Variants in DUSP12 observed in about 807,000 individuals in gnomAD.
DUSP12 encodes the protein dual specificity protein phosphatase 12.
In DUSP12, 25 loss-of-function variants were observed where a neutral mutation model predicts 38.9. The observed-to-expected ratio is 0.64, with a 90% CI of 0.47 to 0.90. DUSP12 has a LOEUF of 0.90. Ranked by LOEUF, DUSP12 falls within the 40% of genes least tolerant of loss-of-function variation. DUSP12 has a pLI of 0.00. For synonymous variants in DUSP12, 153 were observed against 153.9 expected (o/e 0.99, Z 0.05); for missense variants, 403 against 427.0 (o/e 0.94, Z 0.50).
Position 161,754,444 on chromosome 1 carries a change from C to T in DUSP12, c.861+1183C>T, listed in dbSNP as rs984859891. On this transcript the variant is annotated intron_variant, in intron 5 of 5. Transcript: ENST00000367943. Reference sequence around the variant, plus strand: ...GTGTATTCACAGTGGTTTTTGCAACCATCGTGTATTAGTCTATTTTCACAC... The same window carrying T: ...GTGTATTCACAGTGGTTTTTGCAACTATCGTGTATTAGTCTATTTTCACAC... 5.9e-5 allele frequency among the ~76,000 whole-genome samples: 9 copies of T among 152,176 alleles called. No individual in the cohort carries two copies. In the South Asian group the frequency reaches 1.7e-3, roughly 28 times the overall value.
At chr1:161,755,689 CT>C (rs1684096960) in intron 5 of DUSP12, among the ~76,000 whole-genome samples, 1 of 152,090 alleles carries the variant, frequency 6.6e-6, no homozygotes, top group Non-Finnish European at 1.5e-5. Context: ...GGTTTTGTCT[CT>C]TTCTTACTCA....
At chr1:161,750,296 G>A in intron 1 of DUSP12, 151 bp downstream of exon 1, 1 of 834,822 alleles carries the variant, frequency 1.2e-6, no homozygotes, top group Middle Eastern at 3.5e-4. Flanking sequence ...GTGTTTCCAA[G>A]AGAGGAGGAG....
chr1:161,750,407 T>C (rs901796392), intron 1 of DUSP12, among the ~76,000 whole-genome samples: 1 of 152,202 alleles, frequency 6.6e-6, no homozygotes, highest in African/African-American at 2.4e-5. Context: ...ATCTGATAAA[T>C]GACAAATTAC....
intron 1 of DUSP12, 36 bp from the exon 2 acceptor site, chr1:161,751,632 C>A: frequency 6.4e-7 from 1 of 1,562,748 alleles, no homozygotes; most frequent in South Asian, 1.2e-5. Context: ...TTAATTGTTG[C>A]TATTTGCTGT....
At position 161,756,896 on chromosome 1, in the gene DUSP12, G is replaced by A. The variant is rs148743639; in HGVS notation, c.972G>A (p.Val324=). The change falls in exon 6 of 6, where the codon GTG becomes GTA. Residue 324 remains valine (V), a synonymous_variant. Transcript: ENST00000367943. ...TPAFQIHKNR[V]DEMKILPVLG... ...CTTTTCAAATACATAAGAATAGAGT[G>A]GATGAAATGAAAATATTGCCTGTTT... 6.2e-7 allele frequency: 1 copy of A among 1,612,564 alleles called. No individual in the cohort carries two copies. The highest frequency in any genetic ancestry group is 8.5e-7 in the Non-Finnish European group (1 of 1,178,986).
Position 161,757,056 on chromosome 1 carries a change from G to A in DUSP12, c.*109G>A, listed in dbSNP as rs1465435459. ...GCTTTCAACATTTCATTTGAAATGGGAGAAGATAAAATCACTTGATGTAAC... is the reference window on the plus strand; with the variant it reads ...GCTTTCAACATTTCATTTGAAATGGAAGAAGATAAAATCACTTGATGTAAC... On this transcript the variant is annotated 3_prime_UTR_variant, in exon 6 of 6. Transcript: ENST00000367943. The A allele has an allele frequency of 2.7e-6, 3 of 1,102,052 alleles. No individual in the cohort carries two copies. The highest frequency in any genetic ancestry group is 3.1e-5 in the African/African-American group (2 of 63,584). 68.3% of individuals were successfully genotyped at this position (1,102,052 alleles called of 1,614,324 possible). A position where few individuals can be genotyped will look rare whatever the true frequency, so the allele number is the denominator to read the frequency against.
At chr1:161,755,476 C>T (rs1684094392) in intron 5 of DUSP12, among the ~76,000 whole-genome samples, 1 of 152,078 alleles carries the variant, frequency 6.6e-6, no homozygotes, top group East Asian at 1.9e-4. Context: ...TGCATGTACC[C>T]GTTACTCCAT....
intron 5 of DUSP12, among the ~76,000 whole-genome samples, chr1:161,755,572 G>A (rs1684095456): frequency 6.6e-6 from 1 of 152,024 alleles, no homozygotes; most frequent in Admixed American, 6.5e-5. Flanking sequence ...TGTTTAATTG[G>A]AATTTTATGA....
intron 5 of DUSP12, among the ~76,000 whole-genome samples, chr1:161,755,942 C>T (rs12026369): frequency 1.3e-5 from 2 of 152,016 alleles, no homozygotes; most frequent in African/African-American, 4.8e-5. Context: ...CTGCAACCTC[C>T]GCCTTCTGGG....
chr1:161,749,846 C>T lies in DUSP12; in HGVS notation c.45C>T (p.Asn15=), dbSNP rs775580032. ...PGPSDGCELS[N]PSASRVSCAG... ...CGAGTGATGGCTGCGAGCTCAGCAA[C>T]CCCAGCGCCAGCAGAGTCAGCTGTG... is the stretch of plus-strand genomic sequence containing the variant. Residue 15 remains asparagine, a synonymous_variant, in exon 1 of 6, where the codon AAC becomes AAT. Coordinates refer to ENST00000367943, the MANE Select transcript of DUSP12 (RefSeq NM_007240.3). The T allele has an allele frequency of 5.0e-6, 8 of 1,602,630 alleles. No homozygotes were observed. The highest frequency in any genetic ancestry group is 1.7e-5 in the Admixed American group (1 of 58,314).
At chr1:161,750,177 C>A in intron 1 of DUSP12, 32 bp downstream of exon 1, 4 of 1,581,700 alleles carry the variant, frequency 2.5e-6, no homozygotes, top group South Asian at 1.1e-5. Context: ...TGACGTGCCC[C>A]GCCAAGCTTC....
At chr1:161,755,035 G>A (rs1292795515) in intron 5 of DUSP12, among the ~76,000 whole-genome samples, 2 of 152,072 alleles carry the variant, frequency 1.3e-5, no homozygotes, top group Non-Finnish European at 2.9e-5. Context: ...TTTCCATGTT[G>A]GTCAGGCTGG....
At position 161,752,361 on chromosome 1, in the gene DUSP12, C is replaced by T. The variant is rs781572495; in HGVS notation, c.578-7C>T. 18 of 1,575,842 alleles carry T rather than the reference C, an allele frequency of 1.1e-5. No individual in the cohort carries two copies. Among genetic ancestry groups the T allele is most frequent in the Non-Finnish European group, 1.5e-5 (17 of 1,149,260 alleles). ...ACAAATAAATACATTTTAATTATGTCATATAGAATTGCAGAATTTACCTCA... is the reference window on the plus strand; with the variant it reads ...ACAAATAAATACATTTTAATTATGTTATATAGAATTGCAGAATTTACCTCA... On this transcript the variant is annotated splice_polypyrimidine_tract_variant and splice_region_variant and intron_variant, in intron 3 of 5. Transcript: ENST00000367943.
At position 161,751,671 on chromosome 1, in the gene DUSP12, T is replaced by G; in HGVS notation, c.348T>G (p.His116Gln). The stretch of plus-strand genomic sequence containing the variant: ...ATTTTAAAGGTCTCTTTTTCAGTCA[T>G]GCAGGAGTCAGTCGAAGTGTGGCCA... ...AEGRAVLVHC[H>Q]AGVSRSVAII... Residue 116 changes from histidine to glutamine, a missense_variant, in exon 2 of 6, where the codon CAT becomes CAG. Physicochemically the swap from His to Gln is conservative, Grantham distance 24. Transcript: ENST00000367943. The G allele has an allele frequency of 6.2e-7, 1 of 1,606,700 alleles. No individual in the cohort carries two copies. The highest frequency in any genetic ancestry group is 1.1e-5 in the South Asian group (1 of 89,174).
rs199921040 is a variant in DUSP12 at position 161,751,981 on chromosome 1, C to T, written c.574C>T (p.Pro192Ser). 1 of 1,595,350 alleles carries T rather than the reference C, an allele frequency of 6.3e-7. No homozygotes were observed. Among genetic ancestry groups the T allele is most frequent in the Non-Finnish European group, 8.6e-7 (1 of 1,166,720 alleles). Residue 192 changes from proline to serine, a missense_variant, in exon 3 of 6, where the codon CCA (proline) becomes TCA (serine). Coordinates refer to ENST00000367943, the MANE Select transcript of DUSP12 (RefSeq NM_007240.3). ...YRLQKVTEKY[P>S]ELQNLPQELF... is the part of the protein sequence containing the mutation. ...TTTACAAAAGGTTACAGAGAAGTATCCAGGTAAGTAATAATTGCTAGTGTG... is the reference window on the plus strand; with the variant it reads ...TTTACAAAAGGTTACAGAGAAGTATTCAGGTAAGTAATAATTGCTAGTGTG...
intron 1 of DUSP12, among the ~76,000 whole-genome samples, chr1:161,750,797 C>T (rs1267384916): frequency 1.3e-5 from 2 of 152,042 alleles, no homozygotes; most frequent in Admixed American, 6.5e-5. Flanking sequence ...TGGTGGCTCT[C>T]GCCTGTAGTC....
chr1:161,752,236 C>G, intron 3 of DUSP12, 132 bp from the exon 4 acceptor site: 1 of 765,670 alleles, frequency 1.3e-6, no homozygotes, highest in East Asian at 2.6e-5. Context: ...TTTCTCAACA[C>G]TGGAATTTGA....
intron 5 of DUSP12, chr1:161,753,462 C>T: frequency 2.7e-6 from 1 of 375,896 alleles, no homozygotes; most frequent in Non-Finnish European, 4.6e-6. Context: ...TAGTGAACTA[C>T]TTCTGGTTGA....
At chr1:161,752,704 A>G (rs931058054) in intron 4 of DUSP12, among the ~76,000 whole-genome samples, 3 of 152,158 alleles carry the variant, frequency 2.0e-5, no homozygotes, top group Admixed American at 2.0e-4. Context: ...AATATTGCAC[A>G]TTTTGCTGGG....
Sources: gnomAD v4.1 joint callset for allele counts (sites outside exome capture counted in the v4.1 genomes callset) on GRCh38, gnomAD v4.1.1 for gene constraint, MANE v1.5 for transcripts, NCBI Gene and HGNC (gene_info 2026-07-23, HGNC 2026-07-21) for gene names.